Variants in PHACTR4 observed in about 807,000 individuals in gnomAD.
The protein encoded by PHACTR4 is phosphatase and actin regulator 4, also known as protein phosphatase 1, regulatory subunit 124.
PHACTR4 carries 51 observed loss-of-function variants against 72.7 expected under a neutral mutation model. The ratio of observed to expected loss-of-function variants is 0.70; its 90% confidence interval spans 0.56 to 0.89. The LOEUF (loss-of-function observed/expected upper bound fraction) is 0.89, where lower values mean the gene tolerates loss of function less well. Among genes scored for constraint, PHACTR4 ranks in the 40% least tolerant of loss-of-function variants. The pLI is 0.00. For missense variants in PHACTR4, 731 were observed against 861.8 expected, an observed-to-expected ratio of 0.85 and a Z score of 1.90; for synonymous variants, 255 against 302.5, an observed-to-expected ratio of 0.84 and a Z score of 1.63.
At chr1:28,407,268 T>A in intron 1 of PHACTR4, 142 bp from the exon 2 acceptor site, 6 of 370,108 alleles carry the variant, frequency 1.6e-5, no homozygotes, top group Non-Finnish European at 2.9e-5. Flanking sequence ...AAAAAAACTA[T>A]CATTTAATAA....
At chr1:28,415,035 C>T (rs575640267) in intron 2 of PHACTR4, among the ~76,000 whole-genome samples, 16 of 152,024 alleles carry the variant, frequency 1.1e-4, no homozygotes, top group East Asian at 7.7e-4. Context: ...CCGAGGTGGA[C>T]GGTTTGCCTG....
At chr1:28,490,213 A>G (rs1265692085) in intron 10 of PHACTR4, among the ~76,000 whole-genome samples, 2 of 152,172 alleles carry the variant, frequency 1.3e-5, no homozygotes, top group African/African-American at 2.4e-5. Flanking sequence ...AAGTATTTGT[A>G]TCGTTGACAA....
chr1:28,461,015 A>C (rs563267246), intron 4 of PHACTR4, among the ~76,000 whole-genome samples: 1 of 152,270 alleles, frequency 6.6e-6, no homozygotes, highest in South Asian at 2.1e-4. Flanking sequence ...TTGTTTGTTT[A>C]ATAATGTCAA....
chr1:28,474,383 G>A (rs1024319637), intron 7 of PHACTR4, among the ~76,000 whole-genome samples: 1 of 151,842 alleles, frequency 6.6e-6, no homozygotes, highest in African/African-American at 2.4e-5. Flanking sequence ...AATTGGCCAG[G>A]CGTGGTGGCA....
intron 1 of PHACTR4, among the ~76,000 whole-genome samples, chr1:28,395,896 C>T (rs1264234863): frequency 1.6e-5 from 2 of 128,830 alleles, no homozygotes; most frequent in South Asian, 2.3e-4. Flanking sequence ...CTCCTGACCT[C>T]GTGATCCGCC....
At chr1:28,378,869 G>A (rs1039688069) in intron 1 of PHACTR4, among the ~76,000 whole-genome samples, 9 of 152,126 alleles carry the variant, frequency 5.9e-5, no homozygotes, top group Admixed American at 3.3e-4. Context: ...GACATGGAAG[G>A]TGAAATAAGA....
rs779879547 is a variant in PHACTR4 at position 28,491,747 on chromosome 1, G to A, written c.1976G>A (p.Arg659Gln). 2.5e-6 allele frequency: 4 copies of A among 1,613,968 alleles called. No homozygotes were observed. Among genetic ancestry groups the A allele is most frequent in the East Asian group, 2.2e-5 (1 of 44,896 alleles). The change falls in exon 12 of 14, where the codon CGA becomes CAA. Residue 659 changes from arginine to glutamine, a missense_variant. By Grantham distance (43) the Arg-to-Gln change is conservative. Around this residue, in one of 2 missense-constraint regions of PHACTR4, gnomAD observed 110 missense variants for 185.2 expected, o/e 0.59. Coordinates refer to ENST00000373839, the MANE Select transcript of PHACTR4 (RefSeq NM_001048183.3). ...ACAGATGCTCAAGATTATGACCGGC[G>A]AGCCGACAAACCTTGGACCAAACTG... The part of the protein sequence containing the change: ...EVTDAQDYDR[R>Q]ADKPWTKLTP...
At chr1:28,461,849 C>CTTTTTTTTTTTTTTTTTTTT (rs142600648) in intron 4 of PHACTR4, among the ~76,000 whole-genome samples, 1 of 144,216 alleles carries the variant, frequency 6.9e-6, no homozygotes, top group African/African-American at 2.7e-5. Flanking sequence ...TGTTTTCTTT[C>CTTTTTTTTTTTTTTTTTTTT]TTTCTTTTTT....
chr1:28,392,906 T>C lies in PHACTR4; in HGVS notation c.-38-14504T>C, dbSNP rs565030820. On this transcript the variant is annotated intron_variant, in intron 1 of 13. Coordinates refer to ENST00000373839, the MANE Select transcript of PHACTR4 (RefSeq NM_001048183.3). ...GAAAATTGTGCTAGTTTTGCTGTTG[T>C]ACTCCACATTGCAGAAGTTACAATC... Among the ~76,000 whole-genome samples the C allele has an allele frequency of 2.0e-5, 3 of 152,338 alleles. No homozygotes were observed. The South Asian group carries it at 6.2e-4, about 32-fold the overall frequency.
intron 1 of PHACTR4, among the ~76,000 whole-genome samples, chr1:28,385,386 A>G (rs2124164122): frequency 6.6e-6 from 1 of 151,976 alleles, no homozygotes. Context: ...TCTACTAAAA[A>G]TTCAAAAATT....
At chr1:28,489,710 G>A (rs1660915980) in intron 10 of PHACTR4, 2 of 511,130 alleles carry the variant, frequency 3.9e-6, no homozygotes, top group Middle Eastern at 3.2e-4. Flanking sequence ...TTTGCTGTCT[G>A]TGTACATAAT....
intron 2 of PHACTR4, among the ~76,000 whole-genome samples, chr1:28,410,635 G>A (rs556185636): frequency 5.5e-4 from 83 of 152,286 alleles, no homozygotes; most frequent in African/African-American, 1.9e-3. Context: ...AAAGTGAAAT[G>A]TGCTTTTGAT....
At chr1:28,487,729 T>G (rs1476063748) in intron 9 of PHACTR4, among the ~76,000 whole-genome samples, 4 of 105,366 alleles carry the variant, frequency 3.8e-5, no homozygotes, top group African/African-American at 7.9e-5. Flanking sequence ...TTTTTGTTGT[T>G]TTTTTTTTTT....
At chr1:28,377,804 C>T (rs1256045652) in intron 1 of PHACTR4, among the ~76,000 whole-genome samples, 1 of 150,648 alleles carries the variant, frequency 6.6e-6, no homozygotes. Context: ...GCACTCTAGC[C>T]CAGGTAGACA....
At chr1:28,494,352 T>TAA in intron 13 of PHACTR4, 1 of 147,346 alleles carries the variant, frequency 6.8e-6, no homozygotes, top group Non-Finnish European at 1.5e-5. Flanking sequence ...AAAATAAACT[T>TAA]AAAAAAAAAA....
At chr1:28,449,730 T>G (rs1657798937) in intron 2 of PHACTR4, among the ~76,000 whole-genome samples, 1 of 151,896 alleles carries the variant, frequency 6.6e-6, no homozygotes, top group South Asian at 2.1e-4. Flanking sequence ...TGGGCACCTG[T>G]AATCCCAGCT....
At chr1:28,448,479 G>A (rs1021174397) in intron 2 of PHACTR4, among the ~76,000 whole-genome samples, 7 of 151,248 alleles carry the variant, frequency 4.6e-5, no homozygotes, top group Admixed American at 1.3e-4. Context: ...GTGGCCGGGC[G>A]CTGTGTCTTA....
chr1:28,419,274 G>A (rs915505952), intron 2 of PHACTR4, among the ~76,000 whole-genome samples: 32 of 151,806 alleles, frequency 2.1e-4, no homozygotes, highest in Middle Eastern at 6.8e-3. Context: ...GTGAGCGACC[G>A]TGGCTGGCCT....
intron 4 of PHACTR4, among the ~76,000 whole-genome samples, chr1:28,460,903 C>A (rs1370290114): frequency 6.6e-6 from 1 of 152,020 alleles, no homozygotes; most frequent in Admixed American, 6.6e-5. Flanking sequence ...CTCGGCCTCC[C>A]AAAGTGCTGG....
Sources: allele counts gnomAD v4.1 joint callset (sites outside exome capture counted in the v4.1 genomes callset), GRCh38; gene constraint gnomAD v4.1.1; regional missense constraint gnomAD v4.1.1; transcripts MANE v1.5; gene names NCBI Gene and HGNC (gene_info 2026-07-23, HGNC 2026-07-21).